Variants in RGMA observed in about 807,000 individuals in gnomAD.
RGMA encodes repulsive guidance molecule A.
Under a neutral mutation model 23.2 loss-of-function variants are expected in RGMA, and 10 were observed. That is an observed-to-expected ratio of 0.43 (90% CI 0.27 to 0.73). The LOEUF is 0.73. Among genes scored for constraint, RGMA ranks in the 30% least tolerant of loss-of-function variants. The pLI is 0.20. For synonymous variants in RGMA, 308 were observed against 279.3 expected, an observed-to-expected ratio of 1.10 and a Z score of -1.03; for missense variants, 547 against 630.5, an observed-to-expected ratio of 0.87 and a Z score of 1.42.
intron 1 of RGMA, among the ~76,000 whole-genome samples, chr15:93,073,333 G>C (rs1345869599): frequency 1.3e-5 from 2 of 151,760 alleles, no homozygotes; most frequent in East Asian, 2.0e-4. Flanking sequence ...CAGGCTGCCC[G>C]GCCGCAGCGC....
chr15:93,045,333 G>A lies in RGMA; in HGVS notation c.1018C>T (p.Arg340Cys), dbSNP rs200903969. 299 of 1,612,022 alleles carry A rather than the reference G, an allele frequency of 1.9e-4. No individual in the cohort carries two copies. The highest frequency in any genetic ancestry group is 2.4e-4 in the South Asian group (22 of 91,012). ...GCAGGGCTGGCGGCTGCCAGCCTGCGGGCACCGGTGCCCTCAGCATTGGTG... is the reference window on the plus strand; with the variant it reads ...GCAGGGCTGGCGGCTGCCAGCCTGCAGGCACCGGTGCCCTCAGCATTGGTG... ...FHTNAEGTGA[R>C]RLAAASPAPT... Residue 340 changes from arginine (R) to cysteine (C), a missense_variant, in exon 4 of 4, where the codon CGC becomes TGC. By Grantham distance (180) the Arg-to-Cys change is radical. Transcript: ENST00000329082. The surrounding 1 kb of genome is among the most constrained non-coding windows in gnomAD (Gnocchi z 6.9).
intron 1 of RGMA, among the ~76,000 whole-genome samples, chr15:93,075,621 C>T (rs539744400): frequency 6.6e-6 from 1 of 152,022 alleles, no homozygotes; most frequent in Non-Finnish European, 1.5e-5. Context: ...TTAACCTCTA[C>T]ATTTCAGTTT....
At chr15:93,079,783 G>C (rs987800661) in intron 1 of RGMA, among the ~76,000 whole-genome samples, 2 of 152,106 alleles carry the variant, frequency 1.3e-5, no homozygotes, top group Non-Finnish European at 1.5e-5. Flanking sequence ...TCCTGCCACT[G>C]CACTCCAGCA....
intron 2 of RGMA, 117 bp from the exon 3 acceptor site, chr15:93,052,624 A>G: frequency 5.1e-6 from 6 of 1,182,846 alleles, no homozygotes; most frequent in Non-Finnish European, 6.9e-6. Context: ...AGAGCCACCC[A>G]TGCCACACAC....
intron 2 of RGMA, among the ~76,000 whole-genome samples, chr15:93,057,563 G>T (rs977585353): frequency 6.6e-6 from 1 of 152,078 alleles, no homozygotes. Flanking sequence ...GAAAATAAAC[G>T]TCTGTTGCTT....
At chr15:93,049,876 C>G (rs1216688452) in intron 3 of RGMA, among the ~76,000 whole-genome samples, 1 of 152,078 alleles carries the variant, frequency 6.6e-6, no homozygotes, top group Non-Finnish European at 1.5e-5. Context: ...TCTGGCAGGC[C>G]CAGAGGGCTC....
intron 1 of RGMA, 160 bp from the exon 2 acceptor site, chr15:93,073,191 C>T: frequency 8.2e-7 from 1 of 1,212,254 alleles, no homozygotes; most frequent in Non-Finnish European, 1.0e-6. Context: ...GCGCGCCCCT[C>T]CCTCGCCATC....
chr15:93,066,092 G>A (rs891906616), intron 2 of RGMA: 21 of 1,491,450 alleles, frequency 1.4e-5, no homozygotes, highest in Admixed American at 5.1e-5. Flanking sequence ...ATGAATCGGC[G>A]AAACTTACGT....
intron 2 of RGMA, among the ~76,000 whole-genome samples, chr15:93,055,817 C>T (rs1317569309): frequency 1.3e-5 from 2 of 152,214 alleles, no homozygotes; most frequent in Non-Finnish European, 2.9e-5. Context: ...CTCTACCCTC[C>T]AAATGGGTAA....
chr15:93,054,349 C>T (rs558388145), intron 2 of RGMA, among the ~76,000 whole-genome samples: 11 of 152,162 alleles, frequency 7.2e-5, no homozygotes, highest in South Asian at 4.1e-4. Context: ...AGGTGGTGCC[C>T]GCTTGATATG....
Position 93,088,910 on chromosome 15 carries a change from C to G in RGMA, c.14+9G>C. 1 of 1,469,368 alleles carries G rather than the reference C, an allele frequency of 6.8e-7. No individual in the cohort carries two copies. The highest frequency in any genetic ancestry group is 8.9e-7 in the Non-Finnish European group (1 of 1,119,996). The allele number at this position is 1,469,368 out of a possible 1,614,324, so 91.0% of individuals were successfully genotyped here. ...AGCCGGGTCTGCCCGGCTCCCGACC[C>G]GCGCTTACCTTGGCGGCTGCATGAG... On this transcript the variant is annotated intron_variant, in intron 1 of 3. Coordinates refer to ENST00000329082, the MANE Select transcript of RGMA (RefSeq NM_020211.3).
chr15:93,051,537 T>C (rs943109819), intron 3 of RGMA, among the ~76,000 whole-genome samples: 2 of 151,912 alleles, frequency 1.3e-5, no homozygotes, highest in African/African-American at 2.4e-5. Flanking sequence ...CGTGGGTCCA[T>C]GGCTGTGTGT....
chr15:93,052,311 G>A lies in RGMA; in HGVS notation c.327C>T (p.Leu109=). 6.2e-7 allele frequency: 1 copy of A among 1,604,400 alleles called. No individual in the cohort carries two copies. Among genetic ancestry groups the A allele is most frequent in the Non-Finnish European group, 8.5e-7 (1 of 1,178,898 alleles). Residue 109 remains leucine, a synonymous_variant, in exon 3 of 4, where the codon CTC becomes CTT. Coordinates refer to ENST00000329082, the MANE Select transcript of RGMA (RefSeq NM_020211.3). The stretch of plus-strand genomic sequence containing the variant: ...CCTTGGAGCAGTTGTGCTGGCTCAT[G>A]AGGTCCTCTATGCCATGGACGGCCG... The part of the protein sequence containing the change: ...YHSAVHGIED[L]MSQHNCSKDG...
chr15:93,078,555 C>A (rs1271828071), intron 1 of RGMA, among the ~76,000 whole-genome samples: 1 of 152,198 alleles, frequency 6.6e-6, no homozygotes, highest in Admixed American at 6.5e-5. Context: ...TGAATCAGTA[C>A]TTGTTCTCTC....
intron 1 of RGMA, among the ~76,000 whole-genome samples, chr15:93,084,950 G>A (rs147919556): frequency 2.6e-5 from 4 of 152,188 alleles, no homozygotes; most frequent in Admixed American, 6.5e-5. Flanking sequence ...GTATATGTAC[G>A]TTGCATGCTT....
rs1881844 is a variant in RGMA at position 93,042,393 on chromosome 15, G to A, written c.*2605C>T. On this transcript the variant is annotated 3_prime_UTR_variant, in exon 4 of 4. Coordinates refer to ENST00000329082, the MANE Select transcript of RGMA (RefSeq NM_020211.3). ...CGACCAGACAAGCCATGTGTGCCCC[G>A]CCCTCTCCTAAGCAATTTACAGGAA... The A allele has an allele frequency of 0.094, 14,277 of 151,806 alleles. 2,654 individuals carry two copies. The highest frequency in any genetic ancestry group is 0.76 in the East Asian group (3,882 of 5,124). 9.4% of individuals were successfully genotyped at this position (151,806 alleles called of 1,614,324 possible). A position where few individuals can be genotyped will look rare whatever the true frequency, so the allele number is the denominator to read the frequency against.
In RGMA at chr15:93,045,544, G is replaced by A. The variant is rs529673393; in HGVS notation, c.807C>T (p.His269=). 136 of 1,613,308 alleles carry A rather than the reference G, an allele frequency of 8.4e-5. No individual in the cohort carries two copies. Among genetic ancestry groups the A allele is most frequent in the South Asian group, 8.0e-4 (73 of 91,084 alleles). Residue 269 remains histidine, a synonymous_variant, in exon 4 of 4, where the codon CAC becomes CAT. Transcript: ENST00000329082. The surrounding 1 kb of genome is among the most constrained non-coding windows in gnomAD (Gnocchi z 6.9). The part of the protein sequence containing the change: ...LKITEKVSGQ[H]VEIQAKYIGT... ...CGATGTACTTGGCCTGGATCTCCACGTGCTGGCCTGACACCTTCTCAGTGA... is the reference window on the plus strand; with the variant it reads ...CGATGTACTTGGCCTGGATCTCCACATGCTGGCCTGACACCTTCTCAGTGA...
intron 2 of RGMA, among the ~76,000 whole-genome samples, chr15:93,060,094 T>C (rs2055078161): frequency 6.6e-6 from 1 of 152,178 alleles, no homozygotes. Context: ...AGCTGCCTCT[T>C]GATGGATCCA....
At chr15:93,085,847 G>C (rs2141850821) in intron 1 of RGMA, among the ~76,000 whole-genome samples, 1 of 152,334 alleles carries the variant, frequency 6.6e-6, no homozygotes, top group East Asian at 1.9e-4. Context: ...ACCTGGCTAA[G>C]AAACTGGGTA....
Sources: gnomAD v4.1 joint callset for allele counts (sites outside exome capture counted in the v4.1 genomes callset) on GRCh38, gnomAD v4.1.1 for gene constraint, Gnocchi (gnomAD v3.1) non-coding constraint, MANE v1.5 for transcripts, NCBI Gene and HGNC (gene_info 2026-07-23, HGNC 2026-07-21) for gene names.